LPAR1: variants seen among roughly 807,000 people sequenced by gnomAD.
LPAR1 encodes the protein lysophosphatidic acid receptor 1.
A neutral mutation model predicts 23.8 loss-of-function variants in LPAR1; 5 were observed. The ratio of observed to expected loss-of-function variants is 0.21; its 90% CI spans 0.11 to 0.44. LPAR1 has a LOEUF of 0.44. Ranked by LOEUF, LPAR1 falls within the 20% of genes least tolerant of loss-of-function variation. The probability of loss-of-function intolerance (pLI) is 0.99; values close to 1 mark genes in which losing one functional copy is unlikely to be tolerated. For missense variants in LPAR1, 311 were observed against 482.8 expected (o/e 0.64, Z 3.33); for synonymous variants, 160 against 164.7 (o/e 0.97, Z 0.22).
intron 2 of LPAR1, among the ~76,000 whole-genome samples, chr9:110,996,052 A>G (rs886419606): frequency 3.9e-5 from 6 of 152,094 alleles, no homozygotes; most frequent in African/African-American, 7.2e-5. Flanking sequence ...CTAAAAACCA[A>G]CCGGAGACCT....
At chr9:110,934,875 G>C (rs1488167305) in intron 5 of LPAR1, among the ~76,000 whole-genome samples, 2 of 151,628 alleles carry the variant, frequency 1.3e-5, no homozygotes, top group African/African-American at 2.4e-5. Context: ...AGGAGAGAGA[G>C]AGCACAAACT....
chr9:110,993,778 C>T (rs1195692741), intron 2 of LPAR1, among the ~76,000 whole-genome samples: 1 of 152,090 alleles, frequency 6.6e-6, no homozygotes, highest in Non-Finnish European at 1.5e-5. Flanking sequence ...TATGCCTGTT[C>T]CTCAGATTAG....
At chr9:110,946,476 CAG>C (rs1255241240) in intron 4 of LPAR1, among the ~76,000 whole-genome samples, 2 of 151,882 alleles carry the variant, frequency 1.3e-5, no homozygotes, top group African/African-American at 4.8e-5. Context: ...TATCTAAAGA[CAG>C]AGAGAATCAG....
At chr9:111,023,789 AATT>A (rs1311060921) in intron 2 of LPAR1, among the ~76,000 whole-genome samples, 2 of 152,238 alleles carry the variant, frequency 1.3e-5, no homozygotes, top group African/African-American at 2.4e-5. Flanking sequence ...AAAATGAACA[AATT>A]ATCATAGGAA....
intron 2 of LPAR1, among the ~76,000 whole-genome samples, chr9:110,993,511 C>T (rs1174507937): frequency 6.6e-6 from 1 of 151,958 alleles, no homozygotes; most frequent in Non-Finnish European, 1.5e-5. Flanking sequence ...AGAGGATGTC[C>T]CCATGGGAAG....
chr9:111,012,505 A>G (rs2097353272), intron 2 of LPAR1, among the ~76,000 whole-genome samples: 1 of 151,780 alleles, frequency 6.6e-6, no homozygotes, highest in Non-Finnish European at 1.5e-5. Flanking sequence ...ATACACACTC[A>G]GTATCCTGGT....
intron 2 of LPAR1, among the ~76,000 whole-genome samples, chr9:110,993,341 C>T (rs758311910): frequency 4.6e-5 from 7 of 152,100 alleles, no homozygotes; most frequent in Non-Finnish European, 8.8e-5. Flanking sequence ...TGTTCTCATA[C>T]CACAAACTAA....
At chr9:110,925,073 A>G (rs1280031472) in intron 5 of LPAR1, among the ~76,000 whole-genome samples, 1 of 151,974 alleles carries the variant, frequency 6.6e-6, no homozygotes, top group Non-Finnish European at 1.5e-5. Flanking sequence ...ACATTTTGGT[A>G]TTTGTTTTCC....
intron 5 of LPAR1, among the ~76,000 whole-genome samples, chr9:110,917,800 A>G (rs2134873269): frequency 6.6e-6 from 1 of 151,594 alleles, no homozygotes; most frequent in East Asian, 1.9e-4. Flanking sequence ...TCTTTACCTG[A>G]CTCCATGTCA....
At position 110,896,212 on chromosome 9, in the gene LPAR1, C is replaced by T. The variant is rs907912973; in HGVS notation, c.794-20490G>A. Among the ~76,000 whole-genome samples the T allele has an allele frequency of 4.6e-5, 7 of 152,132 alleles. No homozygotes were observed. The South Asian group carries it at 6.2e-4, about 14-fold the overall frequency. On this transcript the variant is annotated intron_variant, in intron 5 of 5. Coordinates refer to ENST00000683809, the MANE Select transcript of LPAR1 (RefSeq NM_001351411.2). Reference sequence around the variant, plus strand: ...CCACGACAGATTTTTGACTATGCTGCGTACTTTCTAGGGCCCTCATTATAT... The same window carrying T: ...CCACGACAGATTTTTGACTATGCTGTGTACTTTCTAGGGCCCTCATTATAT...
At chr9:110,981,257 G>A (rs1228041320) in intron 2 of LPAR1, among the ~76,000 whole-genome samples, 1 of 152,060 alleles carries the variant, frequency 6.6e-6, no homozygotes, top group African/African-American at 2.4e-5. Flanking sequence ...AGGCAGTGCT[G>A]CATAGTAGTT....
intron 4 of LPAR1, chr9:110,945,231 G>A (rs551338906): frequency 2.0e-5 from 3 of 152,292 alleles, no homozygotes; most frequent in African/African-American, 4.8e-5. Context: ...ACAGACTTAG[G>A]CAGAAAACCT....
intron 5 of LPAR1, among the ~76,000 whole-genome samples, chr9:110,940,476 G>T (rs1247885181): frequency 2.6e-5 from 4 of 151,816 alleles, no homozygotes; most frequent in African/African-American, 9.7e-5. Context: ...GTGATAAAAT[G>T]TTTTTTTTCA....
At chr9:111,010,923 C>CCT (rs2097319327) in intron 2 of LPAR1, among the ~76,000 whole-genome samples, 1 of 152,166 alleles carries the variant, frequency 6.6e-6, no homozygotes, top group Non-Finnish European at 1.5e-5. Context: ...ATCCCACATT[C>CCT]CTCTGATCTT....
intron 2 of LPAR1, among the ~76,000 whole-genome samples, chr9:110,995,619 G>C (rs2096983756): frequency 6.6e-6 from 1 of 152,124 alleles, no homozygotes; most frequent in South Asian, 2.1e-4. Context: ...TAAATACTCT[G>C]GCTTCCTGAG....
intron 5 of LPAR1, among the ~76,000 whole-genome samples, chr9:110,901,925 CT>C (rs2089247473): frequency 6.6e-6 from 1 of 152,148 alleles, no homozygotes. Context: ...AAAATAGTCC[CT>C]GCACAAGAAT....
In LPAR1 at chr9:111,038,280, C is replaced by A. The variant is rs1712911986; in HGVS notation, c.-375G>T. 2 of 148,548 alleles carry A rather than the reference C, an allele frequency of 1.3e-5. No individual in the cohort carries two copies. The highest frequency in any genetic ancestry group is 2.4e-5 in the African/African-American group (1 of 41,068). 9.2% of individuals were successfully genotyped at this position (148,548 alleles called of 1,614,324 possible). A position where few individuals can be genotyped will look rare whatever the true frequency, so the allele number is the denominator to read the frequency against. ...CGCCAGCCGAGCCCGGCCCTCCGCCCGCCCCTCGGCAGTCGCCCAGAGCGG... is the reference window on the plus strand; with the variant it reads ...CGCCAGCCGAGCCCGGCCCTCCGCCAGCCCCTCGGCAGTCGCCCAGAGCGG... On this transcript the variant is annotated 5_prime_UTR_variant, in exon 1 of 6. Coordinates refer to ENST00000683809, the MANE Select transcript of LPAR1 (RefSeq NM_001351411.2). The surrounding 1 kb of genome is among the most constrained non-coding windows in gnomAD (Gnocchi z 4.4).
intron 5 of LPAR1, among the ~76,000 whole-genome samples, chr9:110,907,760 T>G (rs1302701619): frequency 6.6e-6 from 1 of 152,144 alleles, no homozygotes; most frequent in Non-Finnish European, 1.5e-5. Context: ...TGATTTTTAT[T>G]AATAATAATG....
intron 4 of LPAR1, among the ~76,000 whole-genome samples, chr9:110,957,194 G>A (rs1335529421): frequency 6.9e-6 from 1 of 145,666 alleles, no homozygotes; most frequent in Non-Finnish European, 1.5e-5. Context: ...AAAGTGAGAT[G>A]CCATCTCTAC....
Sources: allele counts gnomAD v4.1 joint callset (sites outside exome capture counted in the v4.1 genomes callset), GRCh38; gene constraint gnomAD v4.1.1; non-coding constraint Gnocchi (gnomAD v3.1); transcripts MANE v1.5; gene names NCBI Gene and HGNC (gene_info 2026-07-23, HGNC 2026-07-21).